Variants in TIAM2 observed in about 807,000 individuals in gnomAD.
The protein encoded by TIAM2 is TIAM Rac1 associated GEF 2, also known as rho guanine nucleotide exchange factor TIAM2.
Under a neutral mutation model 152.9 loss-of-function variants are expected in TIAM2, and 80 were observed. That is an observed-to-expected ratio of 0.52 (90% CI 0.44 to 0.63). The LOEUF is 0.63. Ranked by LOEUF, TIAM2 falls within the 30% of genes least tolerant of loss-of-function variation. The pLI, the probability that TIAM2 is intolerant of heterozygous loss-of-function variation, is 0.00. For synonymous variants in TIAM2, 804 were observed against 838.0 expected (o/e 0.96, Z 0.70); for missense variants, 1,965 against 2,120.1 (o/e 0.93, Z 1.44).
chr6:155,037,018 A>G (rs1024608121), intron 1 of TIAM2, among the ~76,000 whole-genome samples: 3 of 152,188 alleles, frequency 2.0e-5, no homozygotes, highest in Admixed American at 6.5e-5. Flanking sequence ...TAACTTTTTC[A>G]GTTTCCCTTC....
chr6:155,098,859 C>A (rs1217993784), intron 2 of TIAM2, among the ~76,000 whole-genome samples: 1 of 152,116 alleles, frequency 6.6e-6, no homozygotes, highest in African/African-American at 2.4e-5. Flanking sequence ...ATTATTGGGG[C>A]TTGCTTGTTA....
rs1178702551 is a variant in TIAM2 at position 155,211,264 on chromosome 6, T to C, written c.3125T>C (p.Leu1042Pro). The change falls in exon 15 of 27, where the codon CTG becomes CCG. Residue 1042 changes from leucine to proline, a missense_variant. Around this residue, in one of 3 missense-constraint regions of TIAM2, gnomAD observed 935 missense variants for 980.0 expected, o/e 0.95. Coordinates refer to ENST00000682666, the MANE Select transcript of TIAM2 (RefSeq NM_012454.4). ...GLKRSQTDGT[L>P]DQVSHREKME... ...AAAAGGAGTCAGACAGATGGCACTC[T>C]GGATCAGGTTTCCCACAGGGAGAAA... 3.7e-6 allele frequency: 6 copies of C among 1,613,664 alleles called. No individual in the cohort carries two copies. The highest frequency in any genetic ancestry group is 1.3e-5 in the African/African-American group (1 of 75,034).
chr6:155,035,818 T>C (rs995232824), intron 1 of TIAM2, among the ~76,000 whole-genome samples: 4 of 152,224 alleles, frequency 2.6e-5, no homozygotes, highest in Admixed American at 2.0e-4. Flanking sequence ...GACAGGGTCA[T>C]GCACACAGCC....
intron 1 of TIAM2, among the ~76,000 whole-genome samples, chr6:155,029,659 T>A (rs1426199302): frequency 9.3e-6 from 1 of 107,242 alleles, no homozygotes; most frequent in Non-Finnish European, 2.0e-5. Flanking sequence ...ATATATAGAG[T>A]TATATAACTA....
intron 1 of TIAM2, among the ~76,000 whole-genome samples, chr6:155,055,197 A>G (rs1003292713): frequency 6.6e-6 from 1 of 152,164 alleles, no homozygotes; most frequent in African/African-American, 2.4e-5. Context: ...TGGGCCACGT[A>G]TATTTTCTAA....
intron 7 of TIAM2, among the ~76,000 whole-genome samples, chr6:155,153,513 T>C (rs1325552518): frequency 1.3e-5 from 2 of 152,148 alleles, no homozygotes; most frequent in Non-Finnish European, 2.9e-5. Flanking sequence ...GAGGTTATGA[T>C]TTAGTCACAT....
At chr6:155,221,189 TAAAG>T (rs1782034817) in intron 15 of TIAM2, among the ~76,000 whole-genome samples, 1 of 126,200 alleles carries the variant, frequency 7.9e-6, no homozygotes, top group Admixed American at 8.7e-5. Context: ...AATCACAAAA[TAAAG>T]AAGTAAAAAA....
intron 1 of TIAM2, among the ~76,000 whole-genome samples, chr6:155,080,655 G>T (rs925597891): frequency 8.6e-5 from 13 of 151,920 alleles, no homozygotes; most frequent in African/African-American, 3.1e-4. Context: ...GGCTGGTCTC[G>T]AACTCCTGAC....
At chr6:155,005,020 C>A in intron 1 of TIAM2, 1 of 515,636 alleles carries the variant, frequency 1.9e-6, no homozygotes, top group South Asian at 3.9e-5. Context: ...AGGCAGAAGG[C>A]AGTCATGGAG....
In TIAM2 at chr6:155,257,461, T is replaced by G. The variant is rs975630321; in HGVS notation, c.*340T>G. 3.0e-6 allele frequency: 1 copy of G among 338,882 alleles called. No individual in the cohort carries two copies. Among genetic ancestry groups the G allele is most frequent in the Admixed American group, 4.7e-5 (1 of 21,422 alleles). 21.0% of individuals were successfully genotyped at this position (338,882 alleles called of 1,614,324 possible). A position where few individuals can be genotyped will look rare whatever the true frequency, so the allele number is the denominator to read the frequency against. On this transcript the variant is annotated 3_prime_UTR_variant, in exon 27 of 27. Coordinates refer to ENST00000682666, the MANE Select transcript of TIAM2 (RefSeq NM_012454.4). ...GATTAATAGTTTTCAAAGGGCCATT[T>G]TTTAAAATCCTCTGGGCATTTTCTT...
rs754074638 is a variant in TIAM2 at position 155,137,222 on chromosome 6, G to C, written c.1240G>C (p.Asp414His). ...EGSDYFDSRS[D>H]GLNTDVQGSS... ...CAGTGACTACTTTGACAGTCGCTCTGATGGACTGAATACAGATGTGCAGGG... is the reference window on the plus strand; with the variant it reads ...CAGTGACTACTTTGACAGTCGCTCTCATGGACTGAATACAGATGTGCAGGG... Residue 414 changes from aspartate (D) to histidine (H), a missense_variant, in exon 5 of 27, where the codon GAT becomes CAT. By Grantham distance (81) the Asp-to-His change is moderately conservative. Transcript: ENST00000682666. The C allele has an allele frequency of 5.6e-6, 9 of 1,614,076 alleles. No homozygotes were observed. In the African/African-American group the frequency reaches 9.3e-5, roughly 17 times the overall value.
chr6:155,015,022 G>C (rs1465947642), intron 1 of TIAM2, among the ~76,000 whole-genome samples: 1 of 152,136 alleles, frequency 6.6e-6, no homozygotes, highest in Non-Finnish European at 1.5e-5. Flanking sequence ...GTGGGGAGGT[G>C]TTGGAGGGTT....
chr6:155,251,071 G>A (rs760173819), intron 22 of TIAM2, 50 bp downstream of exon 22: 28 of 1,534,616 alleles, frequency 1.8e-5, no homozygotes, highest in South Asian at 6.7e-5. Flanking sequence ...CTGGGATTAC[G>A]GAAGAACTTC....
In TIAM2 at chr6:155,007,060, G is replaced by A. The variant is rs555978929; in HGVS notation, c.-209+11568G>A. Among the ~76,000 whole-genome samples the A allele has an allele frequency of 3.9e-5, 6 of 152,316 alleles. No homozygotes were observed. The East Asian group carries it at 1.2e-3, about 29-fold the overall frequency. On this transcript the variant is annotated intron_variant, in intron 1 of 26. Transcript: ENST00000682666. ...AGGCTGGTCTACTAGGATTACAGGT[G>A]TAAGCCACTGCGGCTGGTCTGCTAC...
At chr6:155,165,853 A>T (rs1007734310) in intron 9 of TIAM2, among the ~76,000 whole-genome samples, 1 of 151,190 alleles carries the variant, frequency 6.6e-6, no homozygotes, top group South Asian at 2.1e-4. Flanking sequence ...TTTTTTTTTT[A>T]ACCCAACGAA....
At chr6:155,011,928 G>A (rs1319319348) in intron 1 of TIAM2, among the ~76,000 whole-genome samples, 3 of 152,170 alleles carry the variant, frequency 2.0e-5, no homozygotes, top group Non-Finnish European at 4.4e-5. Context: ...AAATGTTAAC[G>A]AGAGGCTCAG....
At chr6:155,056,551 C>T (rs1777457308) in intron 1 of TIAM2, among the ~76,000 whole-genome samples, 1 of 152,060 alleles carries the variant, frequency 6.6e-6, no homozygotes, top group African/African-American at 2.4e-5. Context: ...CCGAGTCTTG[C>T]TCTTTTGCAG....
At chr6:155,139,785 C>T (rs1183180930) in intron 5 of TIAM2, among the ~76,000 whole-genome samples, 6 of 152,036 alleles carry the variant, frequency 3.9e-5, no homozygotes, top group Non-Finnish European at 7.4e-5. Flanking sequence ...ACTAAAAATA[C>T]AATAATTAGC....
At position 155,218,533 on chromosome 6, in the gene TIAM2, T is replaced by C. The variant is rs1272172595; in HGVS notation, c.3168+7226T>C. ...GTGTGTCCTCCTCTATGAATAAACA[T>C]AACACCACCACCAACCCAGTGTTGT... On this transcript the variant is annotated intron_variant, in intron 15 of 26. Transcript: ENST00000682666. The surrounding 1 kb of genome is among the most constrained non-coding windows in gnomAD (Gnocchi z 4.5). Among the ~76,000 whole-genome samples, 3 of 152,186 alleles carry C rather than the reference T, an allele frequency of 2.0e-5. No individual in the cohort carries two copies. The highest frequency in any genetic ancestry group is 7.2e-5 in the African/African-American group (3 of 41,428).
Sources: gnomAD v4.1 joint callset for allele counts (sites outside exome capture counted in the v4.1 genomes callset) on GRCh38, gnomAD v4.1.1 for gene constraint, gnomAD v4.1.1 regional missense constraint, Gnocchi (gnomAD v3.1) non-coding constraint, MANE v1.5 for transcripts, NCBI Gene and HGNC (gene_info 2026-07-23, HGNC 2026-07-21) for gene names.